Variants in GLT1D1 observed in about 807,000 individuals in gnomAD.
GLT1D1 encodes the protein glycosyltransferase 1 domain-containing protein 1.
Under a neutral mutation model 28.7 loss-of-function variants are expected in GLT1D1, and 21 were observed. The ratio of observed to expected loss-of-function variants is 0.73; its 90% CI spans 0.52 to 1.05. The LOEUF (loss-of-function observed/expected upper bound fraction) is 1.05, where lower values mean the gene tolerates loss of function less well. Among genes scored for constraint, GLT1D1 ranks in the 50% least tolerant of loss-of-function variants. The pLI is 0.00. For synonymous variants in GLT1D1, 147 were observed against 124.8 expected, an observed-to-expected ratio of 1.18 and a Z score of -1.19; for missense variants, 343 against 330.6, an observed-to-expected ratio of 1.04 and a Z score of -0.29.
At chr12:128,881,554 AAAAAAAAATAT>A (rs1957051330) in intron 2 of GLT1D1, among the ~76,000 whole-genome samples, 1 of 74,188 alleles carries the variant, frequency 1.3e-5, no homozygotes, top group African/African-American at 6.1e-5. Flanking sequence ...AAAAAAAAAA[AAAAAAAAATAT>A]ATATATATAT....
chr12:128,888,496 G>C, intron 2 of GLT1D1, 143 bp from the exon 3 acceptor site: 2 of 613,888 alleles, frequency 3.3e-6, no homozygotes, highest in African/African-American at 1.8e-5. Flanking sequence ...TGCTATCCAG[G>C]AGAGGTGGAT....
At position 128,983,225 on chromosome 12, in the gene GLT1D1, C is replaced by T. The variant is rs1249195989; in HGVS notation, c.*135C>T. On this transcript the variant is annotated 3_prime_UTR_variant, in exon 8 of 8. Coordinates refer to ENST00000281703, the MANE Select transcript of GLT1D1 (RefSeq NM_144669.3). The surrounding 1 kb of genome is among the most constrained non-coding windows in gnomAD (Gnocchi z 4.7). ...CAGCGGAATCCTAGAAAATGTTAGTCGTGAGTCCCCAGAGCCACTGCATTC... is the reference window on the plus strand; with the variant it reads ...CAGCGGAATCCTAGAAAATGTTAGTTGTGAGTCCCCAGAGCCACTGCATTC... The T allele has an allele frequency of 3.3e-5, 25 of 748,544 alleles. No individual in the cohort carries two copies. Among genetic ancestry groups the T allele is most frequent in the Admixed American group, 1.0e-4 (4 of 39,386 alleles). 46.4% of individuals were successfully genotyped at this position (748,544 alleles called of 1,614,324 possible).
In GLT1D1 at chr12:128,944,952, C is replaced by T. The variant is rs567356822; in HGVS notation, c.376-374C>T. The T allele has an allele frequency of 1.0e-3, 560 of 546,456 alleles. 4 individuals are homozygous for T. Among genetic ancestry groups the T allele is most frequent in the Middle Eastern group, 1.0e-3 (2 of 1,992 alleles). The allele number at this position is 546,456 out of a possible 1,614,324, so 33.9% of individuals were successfully genotyped here. A position where few individuals can be genotyped will look rare whatever the true frequency, so the allele number is the denominator to read the frequency against. Reference sequence around the variant, plus strand: ...CGTAACGCTATCCCTCCTCCAGCCCCCGACCCCCAACAGGCCCCGGTGTGT... The same window carrying T: ...CGTAACGCTATCCCTCCTCCAGCCCTCGACCCCCAACAGGCCCCGGTGTGT... On this transcript the variant is annotated intron_variant, in intron 4 of 7. Transcript: ENST00000281703.
At chr12:128,874,573 A>C (rs980879369) in intron 1 of GLT1D1, among the ~76,000 whole-genome samples, 4 of 145,898 alleles carry the variant, frequency 2.7e-5, no homozygotes, top group African/African-American at 1.0e-4. Context: ...CCTCGACCTC[A>C]TAGGCTCAAG....
chr12:128,920,948 G>A (rs563283997), intron 4 of GLT1D1, among the ~76,000 whole-genome samples: 2 of 152,302 alleles, frequency 1.3e-5, no homozygotes, highest in South Asian at 2.1e-4. Context: ...CTGAGCATCA[G>A]CAGGCCAACC....
intron 4 of GLT1D1, among the ~76,000 whole-genome samples, chr12:128,941,357 A>G (rs1046110879): frequency 6.6e-6 from 1 of 152,168 alleles, no homozygotes; most frequent in Non-Finnish European, 1.5e-5. Flanking sequence ...TGATTTTATG[A>G]CAAAATCCTT....
At chr12:128,980,574 C>T (rs528405837) in intron 7 of GLT1D1, among the ~76,000 whole-genome samples, 3 of 152,288 alleles carry the variant, frequency 2.0e-5, no homozygotes, top group East Asian at 1.9e-4. Flanking sequence ...AGTCTTCTGG[C>T]GGCTGGCCTG....
chr12:128,912,164 T>A (rs754938433), intron 4 of GLT1D1, among the ~76,000 whole-genome samples: 1 of 152,206 alleles, frequency 6.6e-6, no homozygotes, highest in Non-Finnish European at 1.5e-5. Context: ...AAAATTGCAT[T>A]AGGCCTCATT....
At chr12:128,862,055 G>A (rs773146164) in intron 1 of GLT1D1, among the ~76,000 whole-genome samples, 3 of 152,148 alleles carry the variant, frequency 2.0e-5, no homozygotes, top group South Asian at 2.1e-4. Context: ...GAGGCCAGCC[G>A]CGGTGGCTCA....
At chr12:128,933,336 A>G (rs1286877249) in intron 4 of GLT1D1, among the ~76,000 whole-genome samples, 1 of 152,284 alleles carries the variant, frequency 6.6e-6, no homozygotes, top group Non-Finnish European at 1.5e-5. Context: ...AAGCCGCCAT[A>G]GGCGCACACG....
At chr12:128,920,519 A>G (rs1872567938) in intron 4 of GLT1D1, among the ~76,000 whole-genome samples, 1 of 152,162 alleles carries the variant, frequency 6.6e-6, no homozygotes, top group Non-Finnish European at 1.5e-5. Flanking sequence ...GCGGCATTGC[A>G]CTCCAGCCTG....
At chr12:128,892,802 C>A (rs1869213143) in intron 3 of GLT1D1, among the ~76,000 whole-genome samples, 1 of 151,508 alleles carries the variant, frequency 6.6e-6, no homozygotes, top group Non-Finnish European at 1.5e-5. Flanking sequence ...ATATAGTATT[C>A]AAACTTACCT....
At chr12:128,961,733 T>C (rs1877967676) in intron 7 of GLT1D1, among the ~76,000 whole-genome samples, 2 of 152,156 alleles carry the variant, frequency 1.3e-5, no homozygotes, top group African/African-American at 2.4e-5. Context: ...GCATCTTCCC[T>C]CTTCAGTTCA....
intron 4 of GLT1D1, among the ~76,000 whole-genome samples, chr12:128,940,669 C>T (rs1376038621): frequency 6.6e-6 from 1 of 152,168 alleles, no homozygotes; most frequent in African/African-American, 2.4e-5. Context: ...TTCAGGAATG[C>T]AACAGGACGG....
chr12:128,958,748 CAAAAAA>C (rs71072431), intron 7 of GLT1D1, among the ~76,000 whole-genome samples: 913 of 42,674 alleles, frequency 0.021, 14 homozygotes, highest in African/African-American at 0.082. Context: ...GACTCTGCCT[CAAAAAA>C]AAAAAAAAAA....
chr12:128,926,193 C>CAATAAT (rs34967915), intron 4 of GLT1D1, among the ~76,000 whole-genome samples, 166 bp from the exon 7 acceptor site: 3,965 of 132,882 alleles, frequency 0.03, 84 homozygotes, highest in African/African-American at 0.06. Flanking sequence ...GACTCTGTCT[C>CAATAAT]AATAATAATA....
intron 4 of GLT1D1, among the ~76,000 whole-genome samples, chr12:128,940,788 T>G (rs1875131392): frequency 3.9e-5 from 6 of 152,322 alleles, no homozygotes; most frequent in Admixed American, 3.3e-4. Flanking sequence ...CCCTGGCCTT[T>G]AAAAAGTTGA....
At chr12:128,874,137 T>C (rs1252863165) in intron 1 of GLT1D1, among the ~76,000 whole-genome samples, 1 of 65,860 alleles carries the variant, frequency 1.5e-5, no homozygotes, top group African/African-American at 4.7e-5. Context: ...TTTCTTTCTT[T>C]CTTTCTTTCT....
intron 6 of GLT1D1, among the ~76,000 whole-genome samples, chr12:128,948,084 G>A: frequency 6.6e-6 from 1 of 152,116 alleles, no homozygotes; most frequent in Non-Finnish European, 1.5e-5. Context: ...GGCTGGAGTG[G>A]GAAGGCCGTG....
Sources: allele counts gnomAD v4.1 joint callset (sites outside exome capture counted in the v4.1 genomes callset), GRCh38; gene constraint gnomAD v4.1.1; non-coding constraint Gnocchi (gnomAD v3.1); transcripts MANE v1.5; gene names NCBI Gene and HGNC (gene_info 2026-07-23, HGNC 2026-07-21).